Variants in CHRM3 observed in about 807,000 individuals in gnomAD.
CHRM3 encodes the protein muscarinic acetylcholine receptor M3.
CHRM3 carries 11 observed loss-of-function variants against 41.8 expected under a neutral mutation model. That is an observed-to-expected ratio of 0.26 (90% CI 0.17 to 0.44). The LOEUF (loss-of-function observed/expected upper bound fraction) is 0.44. Among genes scored for constraint, CHRM3 ranks in the 20% least tolerant of loss-of-function variants. The pLI, the probability that CHRM3 is intolerant of heterozygous loss-of-function variation, is 1.00. For synonymous variants in CHRM3, 297 were observed against 301.4 expected (o/e 0.99, Z 0.15); for missense variants, 571 against 745.4 (o/e 0.77, Z 2.72).
At chr1:239,693,541 C>T (rs1354494467) in intron 5 of CHRM3, among the ~76,000 whole-genome samples, 1 of 152,136 alleles carries the variant, frequency 6.6e-6, no homozygotes, top group Non-Finnish European at 1.5e-5. Flanking sequence ...TTTGTTATGG[C>T]AGCCCAAGCG....
chr1:239,692,055 G>A (rs181091102), intron 5 of CHRM3, among the ~76,000 whole-genome samples: 1 of 152,150 alleles, frequency 6.6e-6, no homozygotes, highest in African/African-American at 2.4e-5. Flanking sequence ...AATCTACTCC[G>A]GTTTCCTTCC....
chr1:239,671,876 C>G (rs954700560), intron 4 of CHRM3, among the ~76,000 whole-genome samples: 5 of 152,108 alleles, frequency 3.3e-5, no homozygotes, highest in African/African-American at 1.2e-4. Flanking sequence ...GCCTCAGTCT[C>G]TGGTGGTAGG....
chr1:239,842,478 G>T (rs560481225), intron 6 of CHRM3, among the ~76,000 whole-genome samples: 1 of 152,086 alleles, frequency 6.6e-6, no homozygotes, highest in Admixed American at 6.6e-5. Flanking sequence ...CAGGTGATCC[G>T]CCTGCCTTGG....
chr1:239,668,309 G>A (rs565589327), intron 4 of CHRM3, among the ~76,000 whole-genome samples: 6 of 151,768 alleles, frequency 4.0e-5, no homozygotes, highest in Non-Finnish European at 7.4e-5. Context: ...GCTTGGTCTC[G>A]AATTCCTGAC....
intron 5 of CHRM3, among the ~76,000 whole-genome samples, chr1:239,709,811 T>C (rs1276535748): frequency 6.6e-6 from 1 of 152,186 alleles, no homozygotes; most frequent in African/African-American, 2.4e-5. Flanking sequence ...AGATCTAAAT[T>C]CTCATTCTTG....
chr1:239,775,363 G>A (rs956921908), intron 5 of CHRM3, among the ~76,000 whole-genome samples: 23 of 152,136 alleles, frequency 1.5e-4, no homozygotes, highest in African/African-American at 5.5e-4. Flanking sequence ...TGTGAAAAAT[G>A]TTCAAGATTC....
At chr1:239,467,405 G>A (rs1246702203) in intron 1 of CHRM3, among the ~76,000 whole-genome samples, 1 of 151,928 alleles carries the variant, frequency 6.6e-6, no homozygotes, top group Non-Finnish European at 1.5e-5. Context: ...GGGTTCAAGC[G>A]ATTCTCCTAC....
At chr1:239,828,184 G>A (rs1443752855) in intron 6 of CHRM3, among the ~76,000 whole-genome samples, 1 of 151,760 alleles carries the variant, frequency 6.6e-6, no homozygotes, top group African/African-American at 2.4e-5. Flanking sequence ...ATACACATAC[G>A]GATATTCACA....
intron 5 of CHRM3, among the ~76,000 whole-genome samples, chr1:239,726,228 A>T (rs569699933): frequency 1.3e-5 from 2 of 152,020 alleles, no homozygotes; most frequent in South Asian, 4.1e-4. Flanking sequence ...TTGTGTCTAG[A>T]TGCTGTTACA....
chr1:239,473,369 T>C (rs1666261976), intron 1 of CHRM3, among the ~76,000 whole-genome samples: 1 of 151,358 alleles, frequency 6.6e-6, no homozygotes, highest in Non-Finnish European at 1.5e-5. Context: ...TTAGAATAGA[T>C]TGAAGCTTCC....
chr1:239,698,749 G>A (rs985423600), intron 5 of CHRM3, among the ~76,000 whole-genome samples: 4 of 152,108 alleles, frequency 2.6e-5, no homozygotes, highest in African/African-American at 9.7e-5. Flanking sequence ...AACGCTTACT[G>A]AGGGCCAACC....
At chr1:239,690,542 A>G (rs1277705271) in intron 5 of CHRM3, among the ~76,000 whole-genome samples, 1 of 152,004 alleles carries the variant, frequency 6.6e-6, no homozygotes, top group Non-Finnish European at 1.5e-5. Flanking sequence ...AAATTTCTAA[A>G]TGAATCCCAG....
chr1:239,618,273 C>CTT (rs11413091), intron 3 of CHRM3, among the ~76,000 whole-genome samples: 14,122 of 112,428 alleles, frequency 0.13, 1,356 homozygotes, highest in Non-Finnish European at 0.17. Context: ...CTTTTTTTTT[C>CTT]TTTCTTTTTT....
chr1:239,609,990 A>G (rs892886379), intron 3 of CHRM3, among the ~76,000 whole-genome samples: 6 of 151,988 alleles, frequency 3.9e-5, no homozygotes, highest in African/African-American at 1.4e-4. Flanking sequence ...CAGGAGATCA[A>G]GACCATCCTG....
intron 3 of CHRM3, among the ~76,000 whole-genome samples, chr1:239,612,742 T>G (rs372401196): frequency 6.6e-6 from 1 of 152,142 alleles, no homozygotes; most frequent in East Asian, 1.9e-4. Context: ...CTCTCAACTG[T>G]GTATGTCCTT....
intron 4 of CHRM3, among the ~76,000 whole-genome samples, chr1:239,636,027 A>G (rs1330903730): frequency 1.3e-5 from 2 of 152,204 alleles, no homozygotes; most frequent in Non-Finnish European, 2.9e-5. Context: ...TGGTATAAAT[A>G]GAAAATAGTG....
intron 1 of CHRM3, among the ~76,000 whole-genome samples, chr1:239,451,869 A>C (rs2103325854): frequency 6.6e-6 from 1 of 152,298 alleles, no homozygotes; most frequent in African/African-American, 2.4e-5. Context: ...ACTCTATTTT[A>C]GAAAACCTAT....
At chr1:239,538,692 G>T (rs991940595) in intron 2 of CHRM3, among the ~76,000 whole-genome samples, 3 of 152,148 alleles carry the variant, frequency 2.0e-5, no homozygotes, top group Admixed American at 2.0e-4. Context: ...TTAATTTTCA[G>T]TACAACTGGT....
chr1:239,590,347 T>C (rs962546471), intron 3 of CHRM3, among the ~76,000 whole-genome samples: 6 of 152,214 alleles, frequency 3.9e-5, no homozygotes, highest in Non-Finnish European at 5.9e-5. Flanking sequence ...ACCAATAAGA[T>C]ATGATTCATG....
Sources: allele counts gnomAD v4.1 joint callset (sites outside exome capture counted in the v4.1 genomes callset), GRCh38; gene constraint gnomAD v4.1.1; transcripts MANE v1.5; gene names NCBI Gene and HGNC (gene_info 2026-07-23, HGNC 2026-07-21).